FITM2: variants seen among roughly 807,000 people sequenced by gnomAD.
The protein encoded by FITM2 is fat storage inducing transmembrane protein 2.
In FITM2, 16 loss-of-function variants were observed where a neutral mutation model predicts 23.3. The observed-to-expected ratio is 0.69, with a 90% CI of 0.47 to 1.05. The LOEUF is 1.05. Ranked by LOEUF, FITM2 falls within the 50% of genes least tolerant of loss-of-function variation. The pLI is 0.00. For synonymous variants in FITM2, 132 were observed against 142.0 expected (o/e 0.93, Z 0.50); for missense variants, 273 against 327.5 (o/e 0.83, Z 1.29).
chr20:44,309,747 T>C (rs926883864), intron 1 of FITM2, among the ~76,000 whole-genome samples: 15 of 152,150 alleles, frequency 9.9e-5, no homozygotes, highest in Admixed American at 8.5e-4. Flanking sequence ...CCAGGATCCA[T>C]GACTACCTTC....
In FITM2 at chr20:44,304,420, C is replaced by T. The variant is rs908742629; in HGVS notation, c.*2205G>A. On this transcript the variant is annotated 3_prime_UTR_variant, in exon 2 of 2. Transcript: ENST00000396825. Reference sequence around the variant, plus strand: ...TTTGTGGATGGAGGTGACAGGATTTCTAACCCTTCCCAGCATTGTCACAGC... The same window carrying T: ...TTTGTGGATGGAGGTGACAGGATTTTTAACCCTTCCCAGCATTGTCACAGC... The T allele has an allele frequency of 6.6e-6, 1 of 152,160 alleles. No individual in the cohort carries two copies. Among genetic ancestry groups the T allele is most frequent in the Non-Finnish European group, 1.5e-5 (1 of 68,046 alleles). The allele number at this position is 152,160 out of a possible 1,614,324, so 9.4% of individuals were successfully genotyped here. A position where few individuals can be genotyped will look rare whatever the true frequency, so the allele number is the denominator to read the frequency against.
chr20:44,307,216 G>C lies in FITM2; in HGVS notation c.198C>G (p.Ala66=). 1 of 1,614,016 alleles carries C rather than the reference G, an allele frequency of 6.2e-7. No individual in the cohort carries two copies. Among genetic ancestry groups the C allele is most frequent in the East Asian group, 2.2e-5 (1 of 44,868 alleles). ...LNVYFVKVAW[A]WTFCLLLPFI... ...AAGGCAGAAGGAGACAGAACGTCCA[G>C]GCCCAGGCCACTTTGACAAAATACC... Residue 66 remains alanine, a synonymous_variant, in exon 2 of 2, where the codon GCC becomes GCG. Transcript: ENST00000396825.
Position 44,302,946 on chromosome 20 carries a change from A to G in FITM2, c.*3679T>C, listed in dbSNP as rs1035435906. The G allele has an allele frequency of 1.3e-5, 2 of 152,240 alleles. No homozygotes were observed. The highest frequency in any genetic ancestry group is 2.9e-5 in the Non-Finnish European group (2 of 68,048). 9.4% of individuals were successfully genotyped at this position (152,240 alleles called of 1,614,324 possible). On this transcript the variant is annotated 3_prime_UTR_variant, in exon 2 of 2. Coordinates refer to ENST00000396825, the MANE Select transcript of FITM2 (RefSeq NM_001080472.4). Reference sequence around the variant, plus strand: ...TCTCTAAATACAATCTGGTACCCAGACTATGACAGATGCACGTGGAAAATG... The same window carrying G: ...TCTCTAAATACAATCTGGTACCCAGGCTATGACAGATGCACGTGGAAAATG...
At chr20:44,308,218 C>A (rs1204757249) in intron 1 of FITM2, among the ~76,000 whole-genome samples, 1 of 152,116 alleles carries the variant, frequency 6.6e-6, no homozygotes, top group African/African-American at 2.4e-5. Flanking sequence ...AGCGGAGGAG[C>A]CAGGATTCAA....
In FITM2 at chr20:44,305,539, TGA is replaced by T. The variant is rs1223713161; in HGVS notation, c.*1084_*1085del. 2.0e-5 allele frequency: 3 copies of T among 152,152 alleles called. No individual in the cohort carries two copies. The highest frequency in any genetic ancestry group is 7.2e-5 in the African/African-American group (3 of 41,442). 9.4% of individuals were successfully genotyped at this position (152,152 alleles called of 1,614,324 possible). ...GGCTGTTTTTATAAAGAACCCTGCC[TGA>T]GCCGGGCGCGGTGGCTCATGCCTGT... On this transcript the variant is annotated 3_prime_UTR_variant, in exon 2 of 2. Transcript: ENST00000396825.
rs574367544 is a variant in FITM2, at chr20:44,307,414, C to CTTTA, written c.174-178_174-175dup. 0.011 allele frequency among the ~76,000 whole-genome samples: 1,629 copies of CTTTA among 151,992 alleles called. 32 individuals are homozygous for CTTTA. The highest frequency in any genetic ancestry group is 0.031 in the African/African-American group (1,282 of 41,424). ...TACCATATACTTCACTTACTAAGTA[C>CTTTA]TTTATTTATTTATTTATTTATTTAT... On this transcript the variant is annotated intron_variant, in intron 1 of 1. Coordinates refer to ENST00000396825, the MANE Select transcript of FITM2 (RefSeq NM_001080472.4).
chr20:44,308,664 T>C (rs1296739007), intron 1 of FITM2, among the ~76,000 whole-genome samples: 1 of 151,966 alleles, frequency 6.6e-6, no homozygotes, highest in Non-Finnish European at 1.5e-5. Flanking sequence ...GCCTCACAAA[T>C]AGCTGGGATT....
Position 44,307,162 on chromosome 20 carries a change from G to A in FITM2, c.252C>T (p.Thr84=), listed in dbSNP as rs147548991. 1.1e-4 allele frequency: 173 copies of A among 1,614,182 alleles called. No individual in the cohort carries two copies. The East Asian group carries it at 2.9e-3, about 27-fold the overall frequency. Residue 84 remains threonine, a synonymous_variant, in exon 2 of 2, where the codon ACC becomes ACT. Coordinates refer to ENST00000396825, the MANE Select transcript of FITM2 (RefSeq NM_001080472.4). ...PFIALTNYHL[T]GKAGLVLRRL... ...GCCGCAGGACCAAGCCAGCCTTGCC[G>A]GTCAGATGGTAGTTGGTGAGGGCAA...
intron 1 of FITM2, among the ~76,000 whole-genome samples, chr20:44,308,447 TCA>T (rs939594586): frequency 9.2e-5 from 14 of 152,300 alleles, no homozygotes; most frequent in African/African-American, 2.9e-4. Context: ...AGGGTCACAC[TCA>T]CACAACCAGC....
chr20:44,306,775 G>A lies in FITM2; in HGVS notation c.639C>T (p.Phe213=). The A allele has an allele frequency of 6.2e-7, 1 of 1,614,144 alleles. No individual in the cohort carries two copies. Among genetic ancestry groups the A allele is most frequent in the South Asian group, 1.1e-5 (1 of 91,086 alleles). The part of the protein sequence containing the change: ...VLMFLCTAVY[F]HNLSQKVFGT... ...CAAACACCTTCTGGGACAAGTTGTG[G>A]AAATAAACAGCTGTGCACAGAAACA... is the stretch of plus-strand genomic sequence containing the variant. The change falls in exon 2 of 2, where the codon TTC becomes TTT. Residue 213 remains phenylalanine (F), a synonymous_variant. Coordinates refer to ENST00000396825, the MANE Select transcript of FITM2 (RefSeq NM_001080472.4).
At position 44,306,880 on chromosome 20, in the gene FITM2, C is replaced by T. The variant is rs748946035; in HGVS notation, c.534G>A (p.Thr178=). 1.2e-5 allele frequency: 19 copies of T among 1,614,040 alleles called. No homozygotes were observed. Among genetic ancestry groups the T allele is most frequent in the Middle Eastern group, 1.6e-4 (1 of 6,084 alleles). Residue 178 remains threonine, a synonymous_variant, in exon 2 of 2, where the codon ACG becomes ACA. Coordinates refer to ENST00000396825, the MANE Select transcript of FITM2 (RefSeq NM_001080472.4). Reference sequence around the variant, plus strand: ...CGGTGTGGAGGCAGTGGCTTCGGTCCGTCTTCACCTCATGCAGCACAGACA... The same window carrying T: ...CGGTGTGGAGGCAGTGGCTTCGGTCTGTCTTCACCTCATGCAGCACAGACA... ...EEMSVLHEVK[T]DRSHCLHTAI...
At chr20:44,307,320 G>T in intron 1 of FITM2, 80 bp from the exon 2 acceptor site, 1 of 1,525,036 alleles carries the variant, frequency 6.6e-7, no homozygotes, top group Middle Eastern at 2.1e-4. Flanking sequence ...TCTCTACACT[G>T]TCAGGGGAGG....
In FITM2 at chr20:44,306,810, A is replaced by C. The variant is rs989225988; in HGVS notation, c.604T>G (p.Trp202Gly). Residue 202 changes from tryptophan (W) to glycine (G), a missense_variant, in exon 2 of 2, where the codon TGG becomes GGG. Physicochemically the swap from Trp to Gly is radical, Grantham distance 184. Around this residue, in one of 3 missense-constraint regions of FITM2, gnomAD observed 117 missense variants for 183.3 expected, o/e 0.64. Transcript: ENST00000396825. ...GCTGTGCACAGAAACATCAACACCC[A>C]GATGAAAGTCAGAATGCCCAGGGCC... ...VVALGILTFI[W>G]VLMFLCTAVY... is the part of the protein sequence containing the mutation. 4 of 1,614,076 alleles carry C rather than the reference A, an allele frequency of 2.5e-6. No individual in the cohort carries two copies. In the African/African-American group the frequency reaches 5.3e-5, roughly 22 times the overall value.
At position 44,304,763 on chromosome 20, in the gene FITM2, T is replaced by C. The variant is rs1438774524; in HGVS notation, c.*1862A>G. 1 of 152,344 alleles carries C rather than the reference T, an allele frequency of 6.6e-6. No individual in the cohort carries two copies. Among genetic ancestry groups the C allele is most frequent in the Non-Finnish European group, 1.5e-5 (1 of 68,078 alleles). 9.4% of individuals were successfully genotyped at this position (152,344 alleles called of 1,614,324 possible). A position where few individuals can be genotyped will look rare whatever the true frequency, so the allele number is the denominator to read the frequency against. On this transcript the variant is annotated 3_prime_UTR_variant, in exon 2 of 2. Transcript: ENST00000396825. ...CTCAGCACATGACCCTGAAGCACAC[T>C]GTTCAGTCTATACCACTGATATGTG...
chr20:44,310,864 A>T, intron 1 of FITM2, 112 bp downstream of exon 1: 1 of 1,363,580 alleles, frequency 7.3e-7, no homozygotes, highest in Non-Finnish European at 9.8e-7. Flanking sequence ...GGCTAGGAGG[A>T]GGACCTCCCC....
At chr20:44,310,225 C>T (rs2062701324) in intron 1 of FITM2, among the ~76,000 whole-genome samples, 1 of 152,172 alleles carries the variant, frequency 6.6e-6, no homozygotes, top group South Asian at 2.1e-4. Flanking sequence ...TCAGAGTTTC[C>T]CTTTATGACC....
Position 44,306,808 on chromosome 20 carries a change from C to T in FITM2, c.606G>A (p.Trp202Ter). Residue 202 changes from tryptophan to a stop codon, truncating the protein, a stop_gained, in exon 2 of 2, where the codon TGG becomes TGA. Transcript: ENST00000396825. LOFTEE classifies it high-confidence loss of function. The part of the protein sequence containing the change: ...VVALGILTFI[W>*]VLMFLCTAVY... ...CAGCTGTGCACAGAAACATCAACAC[C>T]CAGATGAAAGTCAGAATGCCCAGGG... 1 of 1,614,130 alleles carries T rather than the reference C, an allele frequency of 6.2e-7. No individual in the cohort carries two copies. The highest frequency in any genetic ancestry group is 8.5e-7 in the Non-Finnish European group (1 of 1,180,040).
At position 44,303,743 on chromosome 20, in the gene FITM2, G is replaced by C. The variant is rs1424213924; in HGVS notation, c.*2882C>G. On this transcript the variant is annotated 3_prime_UTR_variant, in exon 2 of 2. Coordinates refer to ENST00000396825, the MANE Select transcript of FITM2 (RefSeq NM_001080472.4). ...GGGTTCAAGCGATTCTCCTGCCCCA[G>C]CCTCCCGAGTAGCTGGGATTACAGG... The C allele has an allele frequency of 6.6e-6, 1 of 152,078 alleles. No homozygotes were observed. 9.4% of individuals were successfully genotyped at this position (152,078 alleles called of 1,614,324 possible).
rs1486097302 is a variant in FITM2 at position 44,306,825 on chromosome 20, T to G, written c.589A>C (p.Ile197Leu). The change falls in exon 2 of 2, where the codon ATT becomes CTT. Residue 197 changes from isoleucine to leucine, a missense_variant. Coordinates refer to ENST00000396825, the MANE Select transcript of FITM2 (RefSeq NM_001080472.4). The stretch of plus-strand genomic sequence containing the variant: ...ATCAACACCCAGATGAAAGTCAGAA[T>G]GCCCAGGGCCACAACCAGGGTGGTG... Reference protein sequence around the residue: ...AITTLVVALGILTFIWVLMFL... With the variant: ...AITTLVVALGLLTFIWVLMFL... 6.2e-7 allele frequency: 1 copy of G among 1,614,038 alleles called. No individual in the cohort carries two copies. The highest frequency in any genetic ancestry group is 1.3e-5 in the African/African-American group (1 of 74,914).
Sources: allele counts gnomAD v4.1 joint callset (sites outside exome capture counted in the v4.1 genomes callset), GRCh38; gene constraint gnomAD v4.1.1; regional missense constraint gnomAD v4.1.1; transcripts MANE v1.5; gene names NCBI Gene and HGNC (gene_info 2026-07-23, HGNC 2026-07-21).